HECW1: variants seen among roughly 807,000 people sequenced by gnomAD.
The protein encoded by HECW1 is E3 ubiquitin-protein ligase HECW1.
A neutral mutation model predicts 182.3 loss-of-function variants in HECW1; 61 were observed. The observed-to-expected ratio is 0.33, with a 90% CI of 0.27 to 0.41. HECW1 has a LOEUF of 0.41. HECW1 is among the 10% of genes least tolerant of loss of function. HECW1 has a pLI of 1.00. For synonymous variants in HECW1, 859 were observed against 832.6 expected, an observed-to-expected ratio of 1.03 and a Z score of -0.55; for missense variants, 1,739 against 2,108.9, an observed-to-expected ratio of 0.82 and a Z score of 3.44.
intron 12 of HECW1, among the ~76,000 whole-genome samples, chr7:43,455,722 G>C (rs185774912): frequency 6.6e-6 from 1 of 152,268 alleles, no homozygotes; most frequent in African/African-American, 2.4e-5. Context: ...CGGGTGTGAT[G>C]ACCCGTGCCT....
chr7:43,151,883 A>C (rs982361811), intron 2 of HECW1, among the ~76,000 whole-genome samples: 3 of 152,210 alleles, frequency 2.0e-5, no homozygotes, highest in African/African-American at 7.2e-5. Context: ...TTGCTGGTGA[A>C]AATTTCTCCC....
intron 3 of HECW1, among the ~76,000 whole-genome samples, chr7:43,246,194 T>C (rs1358190936): frequency 6.6e-6 from 1 of 152,012 alleles, no homozygotes; most frequent in Admixed American, 6.6e-5. Context: ...TCCCAGCTAC[T>C]GAGGAGGCTG....
chr7:43,381,751 C>T (rs6977971), intron 6 of HECW1, among the ~76,000 whole-genome samples: 90,989 of 151,974 alleles, frequency 0.6, 27,638 homozygotes, highest in African/African-American at 0.69. Flanking sequence ...CGCAAACTCT[C>T]GACCTCAGGT....
chr7:43,193,223 A>G (rs751318472), intron 2 of HECW1, among the ~76,000 whole-genome samples: 1 of 152,178 alleles, frequency 6.6e-6, no homozygotes, highest in South Asian at 2.1e-4. Context: ...ATTTGTAGCC[A>G]TCTTGGTTTT....
chr7:43,445,361 G>A lies in HECW1; in HGVS notation c.2189G>A (p.Ser730Asn). Reference protein sequence around the residue: ...SSVDSAKISESTVFSSQDDEE... With the variant: ...SSVDSAKISENTVFSSQDDEE... Reference sequence around the variant, plus strand: ...GTGGACAGCGCCAAGATCTCCGAGAGCACGGTCTTCTCCTCGCAAGACGAC... The same window carrying A: ...GTGGACAGCGCCAAGATCTCCGAGAACACGGTCTTCTCCTCGCAAGACGAC... Residue 730 changes from serine (S) to asparagine (N), a missense_variant, in exon 11 of 30, where the codon AGC becomes AAC. Physicochemically the swap from Ser to Asn is conservative, Grantham distance 46 (BLOSUM62 1). Coordinates refer to ENST00000395891, the MANE Select transcript of HECW1 (RefSeq NM_015052.5). 7.4e-6 allele frequency: 12 copies of A among 1,613,804 alleles called. No homozygotes were observed. Among genetic ancestry groups the A allele is most frequent in the East Asian group, 2.2e-5 (1 of 44,860 alleles).
At chr7:43,371,357 T>C (rs1817338168) in intron 6 of HECW1, among the ~76,000 whole-genome samples, 1 of 152,210 alleles carries the variant, frequency 6.6e-6, no homozygotes. Context: ...GCCACTCTTA[T>C]GTGGAACGTT....
At chr7:43,146,836 C>A (rs561968794) in intron 2 of HECW1, among the ~76,000 whole-genome samples, 49 of 152,214 alleles carry the variant, frequency 3.2e-4, no homozygotes, top group African/African-American at 9.4e-4. Context: ...AGCTCATGGC[C>A]CATTAGTGTA....
chr7:43,178,393 C>T (rs1792473287), intron 2 of HECW1, among the ~76,000 whole-genome samples: 1 of 152,182 alleles, frequency 6.6e-6, no homozygotes, highest in African/African-American at 2.4e-5. Context: ...GGTTTTAATG[C>T]TATTCATGAT....
Position 43,444,425 on chromosome 7 carries a change from A to G in HECW1, c.1253A>G (p.Glu418Gly). 1 of 1,613,978 alleles carries G rather than the reference A, an allele frequency of 6.2e-7. No homozygotes were observed. Among genetic ancestry groups the G allele is most frequent in the Non-Finnish European group, 8.5e-7 (1 of 1,179,968 alleles). Residue 418 changes from glutamate (E) to glycine (G), a missense_variant, in exon 11 of 30, where the codon GAA (glutamate) becomes GGA (glycine). Transcript: ENST00000395891. This position sits in a 1 kb window ranked among gnomAD's most constrained non-coding sequence, Gnocchi z 4.3. ...ATAGAGCTTTCCAGACCAGCTGAGG[A>G]AGCAGCAGTCATCACGGAGGCAGGA... ...QSIELSRPAE[E>G]AAVITEAGDQ...
intron 3 of HECW1, among the ~76,000 whole-genome samples, chr7:43,256,977 C>T (rs57403678): frequency 2.0e-3 from 309 of 152,128 alleles, no homozygotes; most frequent in African/African-American, 7.2e-3. Flanking sequence ...AATCAGGAAA[C>T]AAAAAAGAAA....
chr7:43,249,073 A>T (rs1270046097), intron 3 of HECW1: 1 of 152,258 alleles, frequency 6.6e-6, no homozygotes, highest in Non-Finnish European at 1.5e-5. Flanking sequence ...GCCTAGCGTG[A>T]GTCTTCTTCC....
intron 2 of HECW1, among the ~76,000 whole-genome samples, chr7:43,119,474 G>A (rs966355814): frequency 2.0e-5 from 3 of 152,236 alleles, no homozygotes; most frequent in East Asian, 1.9e-4. Context: ...CTTTAAATGC[G>A]GGTACGGGGA....
At chr7:43,525,460 A>G (rs1310805872) in intron 24 of HECW1, among the ~76,000 whole-genome samples, 1 of 152,218 alleles carries the variant, frequency 6.6e-6, no homozygotes, top group African/African-American at 2.4e-5. Context: ...GGAGGGATAC[A>G]TTCAGCGGGG....
intron 8 of HECW1, among the ~76,000 whole-genome samples, chr7:43,430,779 T>TTATTATTATTATTATTATTATTATTATTA (rs1554410944): frequency 1.4e-5 from 2 of 141,720 alleles, no homozygotes; most frequent in South Asian, 2.3e-4. Flanking sequence ...TTTATTTTTC[T>TTATTATTATTATTATTATTATTATTATTA]TTATTATTAT....
intron 8 of HECW1, among the ~76,000 whole-genome samples, chr7:43,410,554 A>G (rs1348456412): frequency 6.6e-6 from 1 of 152,210 alleles, no homozygotes; most frequent in African/African-American, 2.4e-5. Context: ...AGTCCACAAC[A>G]GGAAGTTTTC....
At chr7:43,203,344 C>A (rs923167484) in intron 2 of HECW1, among the ~76,000 whole-genome samples, 3 of 152,074 alleles carry the variant, frequency 2.0e-5, no homozygotes, top group African/African-American at 4.8e-5. Context: ...AATATGGCAG[C>A]GAACATCCCA....
At chr7:43,487,008 C>A (rs1217096723) in intron 17 of HECW1, among the ~76,000 whole-genome samples, 1 of 152,166 alleles carries the variant, frequency 6.6e-6, no homozygotes, top group East Asian at 1.9e-4. Flanking sequence ...AAATATTGAA[C>A]AACTCAAATA....
chr7:43,479,720 G>A lies in HECW1; in HGVS notation c.3210G>A (p.Arg1070=), dbSNP rs1399341540. ...NHLTHRQHLQ[R]LRSYSAGEAS... The stretch of plus-strand genomic sequence containing the variant: ...TAACTCACCGACAGCACCTCCAGAG[G>A]CTCCGAAGTTACAGCGCTGGAGAGG... The change falls in exon 17 of 30, where the codon AGG becomes AGA. Residue 1070 remains arginine, a synonymous_variant. Transcript: ENST00000395891. The A allele has an allele frequency of 1.2e-6, 2 of 1,613,732 alleles. No homozygotes were observed. The highest frequency in any genetic ancestry group is 1.7e-6 in the Non-Finnish European group (2 of 1,179,946).
intron 3 of HECW1, 94 bp from the exon 4 acceptor site, chr7:43,311,669 C>T (rs778259631): frequency 2.7e-6 from 3 of 1,122,254 alleles, no homozygotes; most frequent in South Asian, 1.2e-5. Flanking sequence ...ACTCACAGCG[C>T]GTGTCTCCCA....
Sources: allele counts gnomAD v4.1 joint callset (sites outside exome capture counted in the v4.1 genomes callset), GRCh38; gene constraint gnomAD v4.1.1; non-coding constraint Gnocchi (gnomAD v3.1); transcripts MANE v1.5; gene names NCBI Gene and HGNC (gene_info 2026-07-23, HGNC 2026-07-21).